The following CA10 variants were observed in gnomAD, a reference collection of about 807,000 sequenced individuals.
CA10 encodes the protein carbonic anhydrase-related protein 10.
Under a neutral mutation model 44.2 loss-of-function variants are expected in CA10, and 14 were observed. That is an observed-to-expected ratio of 0.32 (90% CI 0.21 to 0.50). CA10 has a LOEUF of 0.50. CA10 is among the 20% of genes least tolerant of loss of function. The probability of loss-of-function intolerance (pLI) is 0.99; values close to 1 mark genes in which losing one functional copy is unlikely to be tolerated. For missense variants in CA10, 350 were observed against 409.7 expected (o/e 0.85, Z 1.26); for synonymous variants, 159 against 141.6 (o/e 1.12, Z -0.87).
chr17:51,892,070 AG>A (rs148577631), intron 3 of CA10, among the ~76,000 whole-genome samples: 1,898 of 152,332 alleles, frequency 0.012, 43 homozygotes, highest in African/African-American at 0.044. Context: ...GTTTTTGAGC[AG>A]GGGAATAAAA....
chr17:52,023,742 T>C (rs1413563943), intron 2 of CA10, among the ~76,000 whole-genome samples: 2 of 150,040 alleles, frequency 1.3e-5, no homozygotes, highest in East Asian at 1.9e-4. Context: ...AGGCCTACTA[T>C]CCAGAATGTA....
At chr17:52,051,899 C>T (rs1482987662) in intron 2 of CA10, among the ~76,000 whole-genome samples, 2 of 152,068 alleles carry the variant, frequency 1.3e-5, no homozygotes, top group African/African-American at 4.8e-5. Flanking sequence ...CAATGATAGA[C>T]TGGATGAAGA....
chr17:51,862,346 A>G (rs1979349119), intron 3 of CA10, among the ~76,000 whole-genome samples: 1 of 152,152 alleles, frequency 6.6e-6, no homozygotes, highest in South Asian at 2.1e-4. Context: ...AGTAACAAGA[A>G]TATGTTACAA....
intron 3 of CA10, among the ~76,000 whole-genome samples, chr17:51,764,743 C>T (rs564556968): frequency 6.6e-6 from 1 of 152,320 alleles, no homozygotes; most frequent in African/African-American, 2.4e-5. Flanking sequence ...TTCTTGCCAG[C>T]CTGCCCACTA....
chr17:51,812,989 T>A (rs958969790), intron 3 of CA10, among the ~76,000 whole-genome samples: 1 of 152,236 alleles, frequency 6.6e-6, no homozygotes, highest in Non-Finnish European at 1.5e-5. Context: ...GAAATACACA[T>A]GATCAGGTTA....
At chr17:51,905,465 A>G (rs1043655889) in intron 3 of CA10, among the ~76,000 whole-genome samples, 5 of 149,138 alleles carry the variant, frequency 3.4e-5, no homozygotes, top group African/African-American at 9.9e-5. Context: ...TGGAATTTCT[A>G]TCATTTTCTG....
At chr17:51,812,076 C>A (rs1299720225) in intron 3 of CA10, among the ~76,000 whole-genome samples, 2 of 152,176 alleles carry the variant, frequency 1.3e-5, no homozygotes, top group Non-Finnish European at 2.9e-5. Flanking sequence ...TGTGTTCCTG[C>A]CTTTGTCTGG....
intron 4 of CA10, among the ~76,000 whole-genome samples, chr17:51,679,271 T>TA (rs1181518823): frequency 7.1e-6 from 1 of 140,788 alleles, no homozygotes; most frequent in Non-Finnish European, 1.6e-5. Flanking sequence ...TCTCTTTTTT[T>TA]TTTTTTGGGA....
At chr17:51,702,725 C>T (rs1915643101) in intron 4 of CA10, among the ~76,000 whole-genome samples, 1 of 152,150 alleles carries the variant, frequency 6.6e-6, no homozygotes, top group African/African-American at 2.4e-5. Context: ...AGATCAGGTC[C>T]CTTCTACTCT....
intron 3 of CA10, among the ~76,000 whole-genome samples, chr17:51,921,869 T>C (rs934203485): frequency 1.3e-5 from 2 of 152,204 alleles, no homozygotes; most frequent in African/African-American, 4.8e-5. Flanking sequence ...GAGGAAAGTT[T>C]TATCTTTATG....
At chr17:52,049,819 G>A (rs1031321774) in intron 2 of CA10, among the ~76,000 whole-genome samples, 2 of 152,054 alleles carry the variant, frequency 1.3e-5, no homozygotes, top group African/African-American at 2.4e-5. Flanking sequence ...TTCAGTCAGT[G>A]GTGGACTGTA....
intron 1 of CA10, among the ~76,000 whole-genome samples, chr17:52,103,701 G>GT (rs1468669853): frequency 2.0e-5 from 3 of 152,202 alleles, no homozygotes; most frequent in Non-Finnish European, 2.9e-5. Flanking sequence ...GGGAACTACT[G>GT]TTGGTGATTC....
At chr17:51,798,709 G>A (rs778016025) in intron 3 of CA10, among the ~76,000 whole-genome samples, 2 of 152,188 alleles carry the variant, frequency 1.3e-5, no homozygotes, top group Non-Finnish European at 2.9e-5. Flanking sequence ...AACCCAAAAG[G>A]CCTCAAGGAA....
intron 5 of CA10, among the ~76,000 whole-genome samples, chr17:51,649,676 C>A (rs1261801810): frequency 1.3e-5 from 2 of 152,052 alleles, no homozygotes. Flanking sequence ...GAAGTGAGAA[C>A]CAGGCATGCT....
chr17:51,993,225 CTGT>C (rs1985107094), intron 2 of CA10, among the ~76,000 whole-genome samples: 1 of 152,032 alleles, frequency 6.6e-6, no homozygotes, highest in Admixed American at 6.6e-5. Flanking sequence ...ATCCAAGCTC[CTGT>C]TGTCGTTAAT....
At chr17:51,969,042 C>G (rs191392449) in intron 2 of CA10, among the ~76,000 whole-genome samples, 1 of 151,822 alleles carries the variant, frequency 6.6e-6, no homozygotes, top group Non-Finnish European at 1.5e-5. Flanking sequence ...TTCTCTCCAC[C>G]GAGCTTTGAT....
chr17:52,060,068 T>C (rs986797038), intron 2 of CA10, among the ~76,000 whole-genome samples: 15 of 152,160 alleles, frequency 9.9e-5, no homozygotes, highest in African/African-American at 3.6e-4. Flanking sequence ...ATACGTGTCT[T>C]TTTATAAGTT....
rs1403247552 is a variant in CA10 at position 52,065,880 on chromosome 17, G to A, written c.136+6439C>T. On this transcript the variant is annotated intron_variant, in intron 2 of 8. Coordinates refer to ENST00000451037, the MANE Select transcript of CA10 (RefSeq NM_020178.5). The stretch of plus-strand genomic sequence containing the variant: ...TCCCCATATGTTGTAGGAGGGACCT[G>A]GTGGGACATAATTGAATCATGTGGA... 3.9e-5 allele frequency among the ~76,000 whole-genome samples: 6 copies of A among 152,300 alleles called. No homozygotes were observed. The Middle Eastern group carries it at 0.01, about 259-fold the overall frequency.
intron 2 of CA10, among the ~76,000 whole-genome samples, chr17:52,004,881 A>G (rs1781626948): frequency 6.6e-6 from 1 of 151,876 alleles, no homozygotes; most frequent in Admixed American, 6.6e-5. Context: ...AAAATCCCCA[A>G]TTATTTTTAG....
Sources: gnomAD v4.1 joint callset for allele counts (sites outside exome capture counted in the v4.1 genomes callset) on GRCh38, gnomAD v4.1.1 for gene constraint, MANE v1.5 for transcripts, NCBI Gene and HGNC (gene_info 2026-07-23, HGNC 2026-07-21) for gene names.